The following GPHN variants were observed in gnomAD, a reference collection of about 807,000 sequenced individuals.
GPHN encodes gephyrin.
In GPHN, 17 loss-of-function variants were observed where a neutral mutation model predicts 95.5. The ratio of observed to expected loss-of-function variants is 0.18; its 90% CI spans 0.12 to 0.27. The LOEUF (loss-of-function observed/expected upper bound fraction) is 0.27. Among genes scored for constraint, GPHN ranks in the 10% least tolerant of loss-of-function variants. The pLI, the probability that GPHN is intolerant of heterozygous loss-of-function variation, is 1.00. For synonymous variants in GPHN, 320 were observed against 322.5 expected (o/e 0.99, Z 0.08); for missense variants, 660 against 978.1 (o/e 0.67, Z 4.34).
chr14:67,735,069 T>C, the GPHN span: 2 of 702,380 alleles, frequency 2.8e-6, no homozygotes, highest in South Asian at 3.0e-5. Context: ...CAACAGCAAA[T>C]GACACCAAAT....
chr14:67,043,754 G>A (rs946792255), intron 10 of GPHN, among the ~76,000 whole-genome samples: 3 of 152,074 alleles, frequency 2.0e-5, no homozygotes, highest in Non-Finnish European at 4.4e-5. Context: ...TGAGTTGGGG[G>A]GATTCCCTCT....
At chr14:67,350,204 A>G in the GPHN span, among the ~76,000 whole-genome samples, 4 of 152,226 alleles carry the variant, frequency 2.6e-5, no homozygotes, top group Non-Finnish European at 1.5e-5. Flanking sequence ...CTACGGGAAT[A>G]ATTCAGTAGA....
At chr14:67,152,555 A>G (rs1476204442) in intron 18 of GPHN, among the ~76,000 whole-genome samples, 1 of 152,252 alleles carries the variant, frequency 6.6e-6, no homozygotes, top group Non-Finnish European at 1.5e-5. Context: ...CCAGGTAATC[A>G]GGTAATCAAG....
chr14:67,280,666 G>C, the GPHN span, among the ~76,000 whole-genome samples: 1 of 152,164 alleles, frequency 6.6e-6, no homozygotes, highest in African/African-American at 2.4e-5. Flanking sequence ...TCCAGCCTGC[G>C]TTTCACTCAC....
At chr14:67,644,198 T>C in the GPHN span, among the ~76,000 whole-genome samples, 66 of 152,318 alleles carry the variant, frequency 4.3e-4, no homozygotes, top group Admixed American at 5.9e-4. Context: ...ATAACTTGAA[T>C]AGCTGTTGAA....
At chr14:67,264,903 A>G in the GPHN span, among the ~76,000 whole-genome samples, 1 of 152,180 alleles carries the variant, frequency 6.6e-6, no homozygotes, top group African/African-American at 2.4e-5. Flanking sequence ...ATACTGCCTT[A>G]TTGATATCCA....
At chr14:66,930,796 A>G (rs941802298) in intron 8 of GPHN, among the ~76,000 whole-genome samples, 4 of 152,184 alleles carry the variant, frequency 2.6e-5, no homozygotes, top group African/African-American at 9.7e-5. Context: ...TAGGTGCTAG[A>G]TCACAGGCAT....
At chr14:67,316,475 T>C in the GPHN span, among the ~76,000 whole-genome samples, 1 of 152,204 alleles carries the variant, frequency 6.6e-6, no homozygotes. Context: ...AGAATTGATA[T>C]CCTTAATTTG....
the GPHN span, chr14:67,569,745 A>G: frequency 3.3e-6 from 2 of 612,624 alleles, no homozygotes; most frequent in Non-Finnish European, 5.9e-6. Context: ...CCACATGGAG[A>G]TCATGGTCCC....
At chr14:67,058,530 T>C in intron 10 of GPHN, 119 bp from the exon 11 acceptor site, 1 of 874,804 alleles carries the variant, frequency 1.1e-6, no homozygotes, top group Non-Finnish European at 1.9e-6. Context: ...AAACAGTTTC[T>C]TACCTGCTAA....
At chr14:67,133,276 C>T (rs1164947707) in intron 17 of GPHN, among the ~76,000 whole-genome samples, 5 of 152,112 alleles carry the variant, frequency 3.3e-5, no homozygotes, top group Non-Finnish European at 1.5e-5. Flanking sequence ...TTCTCTGTGT[C>T]ATCTTCACTC....
At chr14:67,642,299 G>A in the GPHN span, 3 of 1,614,134 alleles carry the variant, frequency 1.9e-6, no homozygotes, top group Admixed American at 3.3e-5. Flanking sequence ...CCAGGAACTG[G>A]CTGAGGTGGT....
At chr14:67,634,430 CAA>C in the GPHN span, among the ~76,000 whole-genome samples, 42 of 114,422 alleles carry the variant, frequency 3.7e-4, no homozygotes, top group South Asian at 5.6e-4. Context: ...CTATCTCTAC[CAA>C]AAAAAAAAAA....
At chr14:67,302,282 T>G in the GPHN span, 3 of 1,056,370 alleles carry the variant, frequency 2.8e-6, no homozygotes, top group South Asian at 9.3e-5. Context: ...TCTAGTTGTG[T>G]AAATAAATTT....
chr14:66,545,717 T>C (rs373454549), intron 1 of GPHN, among the ~76,000 whole-genome samples: 27,190 of 86,348 alleles, frequency 0.31, 4,206 homozygotes, highest in African/African-American at 0.57. Flanking sequence ...CCGGACGGGG[T>C]GGCTGGCCGG....
chr14:67,171,652 TC>T (rs1375044005), intron 21 of GPHN, among the ~76,000 whole-genome samples: 3 of 150,316 alleles, frequency 2.0e-5, no homozygotes, highest in African/African-American at 4.9e-5. Context: ...CTCATGCCCA[TC>T]CCCCCCTCAC....
At chr14:66,630,511 G>A (rs1280759724) in intron 1 of GPHN, among the ~76,000 whole-genome samples, 6 of 151,858 alleles carry the variant, frequency 4.0e-5, no homozygotes, top group Admixed American at 1.3e-4. Flanking sequence ...AGATGGAGTC[G>A]CCCAGGCTGT....
chr14:66,621,509 C>T (rs1361290241), intron 1 of GPHN, among the ~76,000 whole-genome samples: 1 of 151,768 alleles, frequency 6.6e-6, no homozygotes, highest in Non-Finnish European at 1.5e-5. Flanking sequence ...ACTGCCAGCT[C>T]CACCCCCTGG....
At chr14:66,714,939 T>G (rs1243549911) in intron 2 of GPHN, among the ~76,000 whole-genome samples, 1 of 152,170 alleles carries the variant, frequency 6.6e-6, no homozygotes, top group Non-Finnish European at 1.5e-5. Context: ...TGTAGTTTTC[T>G]TTTATGGTTA....
Sources: gnomAD v4.1 joint callset for allele counts (sites outside exome capture counted in the v4.1 genomes callset) on GRCh38, gnomAD v4.1.1 for gene constraint, MANE v1.5 for transcripts, NCBI Gene and HGNC (gene_info 2026-07-23, HGNC 2026-07-21) for gene names.